The following ANKRD30BL variants were observed in gnomAD, a reference collection of about 807,000 sequenced individuals.
ANKRD30BL encodes the protein ankyrin repeat domain 30B like.
ANKRD30BL carries 20 observed loss-of-function variants against 18.4 expected under a neutral mutation model. The ratio of observed to expected loss-of-function variants is 1.09; its 90% CI spans 0.77 to 1.58. The LOEUF (loss-of-function observed/expected upper bound fraction) is 1.58. Among genes scored for constraint, ANKRD30BL ranks in the 40% most tolerant of loss-of-function variants. The probability of loss-of-function intolerance (pLI) is 0.00; values close to 1 mark genes in which losing one functional copy is unlikely to be tolerated. For synonymous variants in ANKRD30BL, 72 were observed against 100.9 expected (o/e 0.71, Z 1.72); for missense variants, 224 against 268.6 (o/e 0.83, Z 1.16).
chr2:132,225,685 GT>G (rs921480407), intron 1 of ANKRD30BL, among the ~76,000 whole-genome samples: 205 of 152,048 alleles, frequency 1.3e-3, no homozygotes, highest in Non-Finnish European at 2.2e-3. Context: ...CTAGATAGAA[GT>G]TTTTTCCGAA....
chr2:132,148,700 C>T (rs1687679788), intron 5 of ANKRD30BL, among the ~76,000 whole-genome samples: 1 of 152,008 alleles, frequency 6.6e-6, no homozygotes, highest in Admixed American at 6.6e-5. Context: ...TTTAATTCTT[C>T]ACGTTGGATA....
intron 1 of ANKRD30BL, among the ~76,000 whole-genome samples, chr2:132,239,334 T>G (rs1200580066): frequency 6.6e-6 from 1 of 151,880 alleles, no homozygotes; most frequent in African/African-American, 2.4e-5. Context: ...CTCAGAAACT[T>G]CTTTGTGATG....
At chr2:132,173,066 C>T (rs914848698) in intron 1 of ANKRD30BL, among the ~76,000 whole-genome samples, 6 of 151,430 alleles carry the variant, frequency 4.0e-5, no homozygotes, top group African/African-American at 1.5e-4. Context: ...TTTATTTTTT[C>T]ATTCCCTGTA....
At chr2:132,177,021 G>A (rs1688377052) in intron 1 of ANKRD30BL, among the ~76,000 whole-genome samples, 1 of 152,094 alleles carries the variant, frequency 6.6e-6, no homozygotes, top group Non-Finnish European at 1.5e-5. Flanking sequence ...TACAGAAAAT[G>A]AGCTTAATTC....
At chr2:132,205,679 C>T (rs1236276885) in intron 1 of ANKRD30BL, among the ~76,000 whole-genome samples, 1 of 150,366 alleles carries the variant, frequency 6.7e-6, no homozygotes, top group Admixed American at 6.6e-5. Flanking sequence ...ATGGGGCCAA[C>T]ATTGAGTGGT....
intron 1 of ANKRD30BL, among the ~76,000 whole-genome samples, chr2:132,211,894 G>C (rs1227742677): frequency 6.6e-6 from 1 of 151,738 alleles, no homozygotes; most frequent in Non-Finnish European, 1.5e-5. Flanking sequence ...GCCTAAGGTG[G>C]AAAAGGAAAT....
Position 132,147,740 on chromosome 2 carries a change from T to G in ANKRD30BL, c.*391A>C. 4.8e-6 allele frequency: 1 copy of G among 207,578 alleles called. No individual in the cohort carries two copies. Among genetic ancestry groups the G allele is most frequent in the Non-Finnish European group, 1.0e-5 (1 of 99,258 alleles). 12.9% of individuals were successfully genotyped at this position (207,578 alleles called of 1,614,324 possible). A position where few individuals can be genotyped will look rare whatever the true frequency, so the allele number is the denominator to read the frequency against. On this transcript the variant is annotated 3_prime_UTR_variant, in exon 6 of 6. Transcript: ENST00000409867. ...GTGTCTTTTCCCTATTGGATAGGGT[T>G]GGACTGCACACTCTAAGCCAATTCA...
chr2:132,242,757 T>C (rs1044915623), intron 1 of ANKRD30BL, among the ~76,000 whole-genome samples: 11 of 151,944 alleles, frequency 7.2e-5, no homozygotes, highest in Admixed American at 1.3e-4. Context: ...TTCTTTTTGA[T>C]GTGTGTACTC....
At chr2:132,174,955 C>T (rs1573816281) in intron 1 of ANKRD30BL, among the ~76,000 whole-genome samples, 1 of 152,150 alleles carries the variant, frequency 6.6e-6, no homozygotes, top group South Asian at 2.1e-4. Flanking sequence ...CTATCCTTTC[C>T]TTCAATACAA....
intron 1 of ANKRD30BL, among the ~76,000 whole-genome samples, chr2:132,188,237 C>T (rs1678746353): frequency 6.6e-6 from 1 of 152,008 alleles, no homozygotes; most frequent in African/African-American, 2.4e-5. Flanking sequence ...CACTCTATAC[C>T]ATTGCCAAAA....
chr2:132,161,688 G>A lies in ANKRD30BL; in HGVS notation c.18C>T (p.Ala6=), dbSNP rs555962095. 112 of 1,445,636 alleles carry A rather than the reference G, an allele frequency of 7.7e-5. No homozygotes were observed. The highest frequency in any genetic ancestry group is 1.0e-4 in the Non-Finnish European group (105 of 1,053,332). The allele number at this position is 1,445,636 out of a possible 1,614,324, so 89.6% of individuals were successfully genotyped here. MERLS[A]APVKGQTGPE... is the part of the protein sequence containing the mutation. The stretch of plus-strand genomic sequence containing the variant: ...GGCCCGTCTGGCCCTTGACAGGGGC[G>A]GCAGAGAGCCTCTCCATGGCTGCAG... The change falls in exon 1 of 6, where the codon GCC becomes GCT. Residue 6 remains alanine (A), a synonymous_variant. Coordinates refer to ENST00000409867, the MANE Select transcript of ANKRD30BL (RefSeq NM_001358416.1).
intron 1 of ANKRD30BL, among the ~76,000 whole-genome samples, chr2:132,181,601 T>C (rs1688463294): frequency 6.6e-6 from 1 of 152,196 alleles, no homozygotes; most frequent in Non-Finnish European, 1.5e-5. Flanking sequence ...GGAAAATGTC[T>C]TTACATATGT....
At chr2:132,154,211 A>C (rs12623375) in intron 4 of ANKRD30BL, among the ~76,000 whole-genome samples, 43,766 of 151,974 alleles carry the variant, frequency 0.29, 9,930 homozygotes, top group African/African-American at 0.61. Context: ...GGTGATCTAC[A>C]CACTTGGCCT....
chr2:132,249,397 C>T (rs150102809), intron 1 of ANKRD30BL, among the ~76,000 whole-genome samples: 1 of 152,048 alleles, frequency 6.6e-6, no homozygotes, highest in Non-Finnish European at 1.5e-5. Context: ...TAGAAAGGTT[C>T]AACTCTGTGA....
intron 1 of ANKRD30BL, among the ~76,000 whole-genome samples, chr2:132,236,524 A>T (rs1427607167): frequency 6.6e-6 from 1 of 152,206 alleles, no homozygotes; most frequent in African/African-American, 2.4e-5. Flanking sequence ...ACATGAAAAA[A>T]TGCTCATCAT....
chr2:132,216,424 T>A (rs1679499605), intron 1 of ANKRD30BL, among the ~76,000 whole-genome samples: 1 of 152,028 alleles, frequency 6.6e-6, no homozygotes, highest in Non-Finnish European at 1.5e-5. Flanking sequence ...CCCACAGAGT[T>A]GAATCTTACT....
intron 1 of ANKRD30BL, among the ~76,000 whole-genome samples, chr2:132,224,088 A>G (rs1573862279): frequency 6.6e-6 from 1 of 151,474 alleles, no homozygotes; most frequent in South Asian, 2.1e-4. Context: ...AATCGGCAAG[A>G]GGATATTTGT....
chr2:132,247,200 G>C (rs540500493), intron 1 of ANKRD30BL, among the ~76,000 whole-genome samples: 5 of 151,518 alleles, frequency 3.3e-5, no homozygotes, highest in African/African-American at 1.2e-4. Context: ...TGTGATGTCT[G>C]CATTCAACTC....
chr2:132,222,704 G>C (rs142397388), intron 1 of ANKRD30BL, among the ~76,000 whole-genome samples: 13,212 of 151,600 alleles, frequency 0.087, 1,001 homozygotes, highest in East Asian at 0.26. Context: ...ATTGCGGAAG[G>C]CCGCAGGGTC....
Sources: gnomAD v4.1 joint callset for allele counts (sites outside exome capture counted in the v4.1 genomes callset) on GRCh38, gnomAD v4.1.1 for gene constraint, MANE v1.5 for transcripts, NCBI Gene and HGNC (gene_info 2026-07-23, HGNC 2026-07-21) for gene names.